TMEM67: variants seen among roughly 807,000 people sequenced by gnomAD.
TMEM67 encodes meckelin.
Under a neutral mutation model 136.6 loss-of-function variants are expected in TMEM67, and 124 were observed. The ratio of observed to expected loss-of-function variants is 0.91; its 90% confidence interval spans 0.78 to 1.05. The LOEUF (loss-of-function observed/expected upper bound fraction) is 1.05, where lower values mean the gene tolerates loss of function less well. Ranked by LOEUF, TMEM67 falls within the 50% of genes least tolerant of loss-of-function variation. The probability of loss-of-function intolerance (pLI) is 0.00; values close to 1 mark genes in which losing one functional copy is unlikely to be tolerated. For synonymous variants in TMEM67, 364 were observed against 390.5 expected (o/e 0.93, Z 0.80); for missense variants, 1,107 against 1,178.4 (o/e 0.94, Z 0.89).
intron 9 of TMEM67, 33 bp downstream of exon 9, chr8:93,781,015 A>G (rs1813801473): frequency 7.7e-7 from 1 of 1,301,240 alleles, no homozygotes. Context: ...GAGGATAACT[A>G]CATTTTGATT....
At chr8:93,775,546 T>G (rs200453775) in intron 7 of TMEM67, among the ~76,000 whole-genome samples, 3 of 152,098 alleles carry the variant, frequency 2.0e-5, no homozygotes, top group Non-Finnish European at 2.9e-5. Flanking sequence ...GTAAGGAAGG[T>G]GTCCAGTTTC....
chr8:93,826,386 C>T, the TMEM67 span, among the ~76,000 whole-genome samples: 1 of 152,100 alleles, frequency 6.6e-6, no homozygotes, highest in East Asian at 1.9e-4. Flanking sequence ...GCCTCGGCTT[C>T]CCAAAGTGCT....
rs1814567883 is a variant in TMEM67 at position 93,795,459 on chromosome 8, C to G, written c.1725C>G (p.Phe575Leu). The G allele has an allele frequency of 6.2e-7, 1 of 1,613,834 alleles. No individual in the cohort carries two copies. The highest frequency in any genetic ancestry group is 1.7e-5 in the Admixed American group (1 of 59,978). The stretch of plus-strand genomic sequence containing the variant: ...ATGCTGGTGATCTGGCCAATGTTTT[C>G]TTTATCATCACAGTGGGAACAGGTC... ...VYYAGDLANV[F>L]FIITVGTGLY... Residue 575 changes from phenylalanine (F) to leucine (L), a missense_variant, in exon 17 of 28, where the codon TTC becomes TTG. Coordinates refer to ENST00000453321, the MANE Select transcript of TMEM67 (RefSeq NM_153704.6).
intron 7 of TMEM67, among the ~76,000 whole-genome samples, chr8:93,773,584 C>T (rs1024492540): frequency 2.0e-5 from 3 of 152,258 alleles, no homozygotes; most frequent in African/African-American, 7.2e-5. Context: ...ACAGAATTTA[C>T]TCATGAGCTG....
At chr8:93,763,660 G>A (rs991970783) in intron 3 of TMEM67, among the ~76,000 whole-genome samples, 182 bp from the exon 4 acceptor site, 3 of 152,156 alleles carry the variant, frequency 2.0e-5, no homozygotes, top group African/African-American at 7.2e-5. Context: ...GGACGGGTAC[G>A]AAGGGATCAC....
chr8:93,797,109 G>A (rs781074693), intron 18 of TMEM67, 25 bp from the exon 19 acceptor site: 9 of 1,379,552 alleles, frequency 6.5e-6, no homozygotes, highest in Middle Eastern at 4.5e-4. Context: ...ACTTTTTCAG[G>A]TGTTTTATTA....
intron 16 of TMEM67, 67 bp from the exon 17 acceptor site, chr8:93,795,342 T>C (rs1043444046): frequency 6.7e-6 from 8 of 1,200,556 alleles, no homozygotes; most frequent in Non-Finnish European, 1.0e-5. Flanking sequence ...ATAAAAGTGG[T>C]AGTGTTACTA....
At position 93,780,694 on chromosome 8, in the gene TMEM67, G is replaced by A. The variant is rs755801996; in HGVS notation, c.816G>A (p.Gln272=). ...FATFDACGLF[Q]FIFENTAGLS... ...CATTTGATGCATGTGGACTATTTCA[G>A]TTTATCTTTGAAAATACTGCTGGAC... is the stretch of plus-strand genomic sequence containing the variant. Residue 272 remains glutamine, a synonymous_variant, in exon 8 of 28, where the codon CAG becomes CAA. Transcript: ENST00000453321. 6.2e-7 allele frequency: 1 copy of A among 1,613,986 alleles called. No homozygotes were observed. Among genetic ancestry groups the A allele is most frequent in the South Asian group, 1.1e-5 (1 of 91,080 alleles).
Position 93,755,871 on chromosome 8 carries a change from G to A in TMEM67, c.312+5G>A, listed in dbSNP as rs786200868. On this transcript the variant is annotated splice_donor_5th_base_variant and intron_variant, in intron 2 of 27. Transcript: ENST00000453321. ...AAAAAGTGCCCAGAAAACATGGTGC[G>A]CATAATTTATTTTAAAATAACTTAC... The A allele has an allele frequency of 3.9e-6, 6 of 1,524,330 alleles. No individual in the cohort carries two copies. The highest frequency in any genetic ancestry group is 2.3e-5 in the East Asian group (1 of 43,960). The allele number at this position is 1,524,330 out of a possible 1,614,324, so 94.4% of individuals were successfully genotyped here.
Position 93,758,801 on chromosome 8 carries a change from G to A in TMEM67, c.406+225G>A, listed in dbSNP as rs1005110875. 1.2e-5 allele frequency: 6 copies of A among 501,718 alleles called. No homozygotes were observed. In the Admixed American group the frequency reaches 1.7e-4, roughly 14 times the overall value. The allele number at this position is 501,718 out of a possible 1,614,324, so 31.1% of individuals were successfully genotyped here. The stretch of plus-strand genomic sequence containing the variant: ...TTTTGTAGAGACTGGGTCTCGTTAT[G>A]TTGCTCAGCCTGGTCTTGAACTCCT... On this transcript the variant is annotated intron_variant, in intron 3 of 27. Transcript: ENST00000453321.
chr8:93,763,290 G>T (rs1196694347), intron 3 of TMEM67, among the ~76,000 whole-genome samples: 1 of 152,012 alleles, frequency 6.6e-6, no homozygotes, highest in Non-Finnish European at 1.5e-5. Context: ...CCATCATTCT[G>T]CTATTTTAAA....
chr8:93,800,655 T>TGA (rs1436188966), intron 21 of TMEM67, among the ~76,000 whole-genome samples: 1 of 152,202 alleles, frequency 6.6e-6, no homozygotes, highest in Non-Finnish European at 1.5e-5. Flanking sequence ...TGAAGTCATG[T>TGA]GACTAGTAAC....
intron 12 of TMEM67, chr8:93,785,877 C>G (rs1586050453): frequency 7.7e-6 from 2 of 260,498 alleles, no homozygotes; most frequent in Non-Finnish European, 1.5e-5. Flanking sequence ...AATTGAAGAC[C>G]AACCTAGGCA....
chr8:93,785,857 T>C lies in TMEM67; in HGVS notation c.1289-366T>C, dbSNP rs186162082. On this transcript the variant is annotated intron_variant, in intron 12 of 27. Transcript: ENST00000453321. ...GGGAGGCCAAGACGAGAGAATTGCTTGAGCCTAGAAATTGAAGACCAACCT... is the reference window on the plus strand; with the variant it reads ...GGGAGGCCAAGACGAGAGAATTGCTCGAGCCTAGAAATTGAAGACCAACCT... 1.2e-5 allele frequency: 3 copies of C among 252,626 alleles called. No homozygotes were observed. In the East Asian group the frequency reaches 3.1e-4, roughly 26 times the overall value. The allele number at this position is 252,626 out of a possible 1,614,324, so 15.6% of individuals were successfully genotyped here.
intron 7 of TMEM67, among the ~76,000 whole-genome samples, chr8:93,774,768 A>G (rs1320570841): frequency 1.3e-5 from 2 of 152,190 alleles, no homozygotes; most frequent in African/African-American, 4.8e-5. Flanking sequence ...ATTGATGGAC[A>G]TTTGGGTTGG....
downstream of TMEM67, among the ~76,000 whole-genome samples, chr8:93,822,164 C>A (rs1390097198): frequency 5.9e-5 from 9 of 152,140 alleles, no homozygotes. Context: ...ACAGGCAACA[C>A]AATAGAAAAA....
rs748522517 is a variant in TMEM67 at position 93,795,445 on chromosome 8, C to G, written c.1711C>G (p.Leu571Val). 6.2e-7 allele frequency: 1 copy of G among 1,613,988 alleles called. No homozygotes were observed. The highest frequency in any genetic ancestry group is 8.5e-7 in the Non-Finnish European group (1 of 1,179,968). The stretch of plus-strand genomic sequence containing the variant: ...ATTCTTGGTGTACTATGCTGGTGAT[C>G]TGGCCAATGTTTTCTTTATCATCAC... ...VKFLVYYAGDLANVFFIITVG... is the reference protein window; with the variant it reads ...VKFLVYYAGDVANVFFIITVG... Residue 571 changes from leucine to valine, a missense_variant, in exon 17 of 28, where the codon CTG becomes GTG. Around this residue, in one of 3 missense-constraint regions of TMEM67, gnomAD observed 925 missense variants for 1,002.4 expected, o/e 0.92. Coordinates refer to ENST00000453321, the MANE Select transcript of TMEM67 (RefSeq NM_153704.6).
chr8:93,779,700 A>G (rs1813721533), intron 7 of TMEM67, among the ~76,000 whole-genome samples: 1 of 152,040 alleles, frequency 6.6e-6, no homozygotes, highest in South Asian at 2.1e-4. Flanking sequence ...TTACCAGCGG[A>G]GGTTGTAGAA....
At chr8:93,803,805 GGTT>G (rs1814976897) in intron 22 of TMEM67, 121 bp downstream of exon 22, 1 of 687,106 alleles carries the variant, frequency 1.5e-6, no homozygotes, top group Non-Finnish European at 2.7e-6. Context: ...ATTTTCCACT[GGTT>G]GTTAATTCCA....
Sources: gnomAD v4.1 joint callset for allele counts (sites outside exome capture counted in the v4.1 genomes callset) on GRCh38, gnomAD v4.1.1 for gene constraint, gnomAD v4.1.1 regional missense constraint, MANE v1.5 for transcripts, NCBI Gene and HGNC (gene_info 2026-07-23, HGNC 2026-07-21) for gene names.